Variants in CSAD observed in about 807,000 individuals in gnomAD.
CSAD encodes the protein cysteine sulfinic acid decarboxylase.
CSAD carries 47 observed loss-of-function variants against 61.5 expected under a neutral mutation model. The ratio of observed to expected loss-of-function variants is 0.76; its 90% CI spans 0.60 to 0.97. The LOEUF is 0.97. Ranked by LOEUF, CSAD falls within the 50% of genes least tolerant of loss-of-function variation. The probability of loss-of-function intolerance (pLI) is 0.00; values close to 1 mark genes in which losing one functional copy is unlikely to be tolerated. For missense variants in CSAD, 611 were observed against 643.6 expected, an observed-to-expected ratio of 0.95 and a Z score of 0.55; for synonymous variants, 245 against 252.7, an observed-to-expected ratio of 0.97 and a Z score of 0.29.
At position 53,161,270 on chromosome 12, in the gene CSAD, C is replaced by G. The variant is rs370306325; in HGVS notation, c.819+3G>C. 2 of 1,613,908 alleles carry G rather than the reference C, an allele frequency of 1.2e-6. No homozygotes were observed. Among genetic ancestry groups the G allele is most frequent in the African/African-American group, 2.7e-5 (2 of 74,916 alleles). On this transcript the variant is annotated splice_donor_region_variant and intron_variant, in intron 11 of 16. Transcript: ENST00000444623. ...CGCACCCCCAAGCCGAAGTCCCACTCACATCCACATGCAGCCATAGCCCAT... is the reference window on the plus strand; with the variant it reads ...CGCACCCCCAAGCCGAAGTCCCACTGACATCCACATGCAGCCATAGCCCAT...
chr12:53,180,746 G>A lies in CSAD; in HGVS notation c.-105C>T, dbSNP rs1223973250. ...TGTAAACTTGCCTCGGTCCCGGTGG[G>A]GGCAGCCGCGGCGGTGGGGTTGGCA... On this transcript the variant is annotated 5_prime_UTR_variant, in exon 1 of 17. Transcript: ENST00000444623. 2.4e-6 allele frequency: 3 copies of A among 1,266,296 alleles called. No homozygotes were observed. Among genetic ancestry groups the A allele is most frequent in the Non-Finnish European group, 3.1e-6 (3 of 978,044 alleles). 78.4% of individuals were successfully genotyped at this position (1,266,296 alleles called of 1,614,324 possible). A position where few individuals can be genotyped will look rare whatever the true frequency, so the allele number is the denominator to read the frequency against.
In CSAD at chr12:53,171,356, C is replaced by T; in HGVS notation, c.537G>A (p.Leu179=). The T allele has an allele frequency of 2.5e-6, 4 of 1,614,046 alleles. No individual in the cohort carries two copies. In the South Asian group the frequency reaches 4.4e-5, roughly 18 times the overall value. ...PDCKQRGLRT[L]PPLALFTSKE... Reference sequence around the variant, plus strand: ...TCGATGTGAATAGGGCCAGGGGCGGCAGTGTGCGGAGGCCCCTCTGCTTGC... The same window carrying T: ...TCGATGTGAATAGGGCCAGGGGCGGTAGTGTGCGGAGGCCCCTCTGCTTGC... The change falls in exon 8 of 17, where the codon CTG becomes CTA. Residue 179 remains leucine (L), a synonymous_variant. Coordinates refer to ENST00000444623, the MANE Select transcript of CSAD (RefSeq NM_001244705.2).
At chr12:53,170,790 G>T (rs1565666633) in intron 8 of CSAD, 5 of 430,992 alleles carry the variant, frequency 1.2e-5, no homozygotes, top group Non-Finnish European at 2.1e-5. Flanking sequence ...GTGTCATCTC[G>T]GCTCACTGCA....
intron 8 of CSAD, chr12:53,170,712 G>A: frequency 1.8e-6 from 1 of 569,044 alleles, no homozygotes; most frequent in Non-Finnish European, 3.1e-6. Context: ...CCAAGATTCT[G>A]CATTTGTTTG....
At chr12:53,172,304 T>A in intron 6 of CSAD, 42 bp downstream of exon 6, 1 of 1,573,310 alleles carries the variant, frequency 6.4e-7, no homozygotes, top group Non-Finnish European at 8.7e-7. Flanking sequence ...CTAGCAAACC[T>A]AAATCCTTTG....
At position 53,172,215 on chromosome 12, in the gene CSAD, ACT is replaced by A. The variant is rs1482272515; in HGVS notation, c.344+129_344+130del. On this transcript the variant is annotated intron_variant, in intron 6 of 16. Coordinates refer to ENST00000444623, the MANE Select transcript of CSAD (RefSeq NM_001244705.2). ...GTGGGTCCAAAGGATATGAGGAAAA[ACT>A]CTCTGCCGACAGGGATTCCCAGAAG... is the stretch of plus-strand genomic sequence containing the variant. 46 of 932,128 alleles carry A rather than the reference ACT, an allele frequency of 4.9e-5. No individual in the cohort carries two copies. In the South Asian group the frequency reaches 5.4e-4, roughly 11 times the overall value. 57.7% of individuals were successfully genotyped at this position (932,128 alleles called of 1,614,324 possible). A position where few individuals can be genotyped will look rare whatever the true frequency, so the allele number is the denominator to read the frequency against.
At chr12:53,177,331 C>T (rs926548761) in intron 2 of CSAD, among the ~76,000 whole-genome samples, 4 of 152,232 alleles carry the variant, frequency 2.6e-5, no homozygotes, top group South Asian at 4.1e-4. Context: ...TAAAGCATGA[C>T]TTTTGTCTCA....
chr12:53,165,456 C>G (rs374320241), intron 10 of CSAD, among the ~76,000 whole-genome samples: 12 of 151,576 alleles, frequency 7.9e-5, no homozygotes, highest in African/African-American at 2.7e-4. Context: ...GTTGGGAGAT[C>G]GAGACCATCC....
upstream of CSAD, chr12:53,181,144 C>G: frequency 1.0e-6 from 1 of 983,282 alleles, no homozygotes; most frequent in Non-Finnish European, 1.2e-6. Context: ...GGTGCAGAGG[C>G]TGGCTGGCCG....
intron 2 of CSAD, among the ~76,000 whole-genome samples, chr12:53,174,272 C>T (rs1940931698): frequency 6.8e-6 from 1 of 146,986 alleles, no homozygotes; most frequent in Non-Finnish European, 1.5e-5. Flanking sequence ...CGCGCCACTG[C>T]ACCCCAGCCT....
intron 4 of CSAD, 104 bp downstream of exon 4, chr12:53,173,241 A>C: frequency 9.3e-7 from 1 of 1,069,630 alleles, no homozygotes. Context: ...AGGAAGGAAG[A>C]AAGAAGGAAG....
In CSAD at chr12:53,162,813, G is replaced by A. The variant is rs141280099; in HGVS notation, c.703-1424C>T. ...GTGGTGGCTTATGCCTGGAATCCCAGCACTTTGGGAGGCCGAGGCGGGCGG... is the reference window on the plus strand; with the variant it reads ...GTGGTGGCTTATGCCTGGAATCCCAACACTTTGGGAGGCCGAGGCGGGCGG... On this transcript the variant is annotated intron_variant, in intron 10 of 16. Coordinates refer to ENST00000444623, the MANE Select transcript of CSAD (RefSeq NM_001244705.2). 2.6e-3 allele frequency among the ~76,000 whole-genome samples: 389 copies of A among 152,142 alleles called. 5 individuals carry two copies. The highest frequency in any genetic ancestry group is 9.0e-3 in the African/African-American group (374 of 41,482).
chr12:53,162,862 G>C (rs978817181), intron 10 of CSAD, among the ~76,000 whole-genome samples: 2 of 151,896 alleles, frequency 1.3e-5, no homozygotes, highest in African/African-American at 4.8e-5. Flanking sequence ...CAGAGTTCGA[G>C]ACTAGCCTGA....
rs144788415 is a variant in CSAD at position 53,172,428 on chromosome 12, G to C, written c.262C>G (p.Arg88Gly). The change falls in exon 6 of 17, where the codon CGG (arginine) becomes GGG (glycine). Residue 88 changes from arginine to glycine, a missense_variant. Arg to Gly is a moderately radical substitution (Grantham distance 125, BLOSUM62 -2). Coordinates refer to ENST00000444623, the MANE Select transcript of CSAD (RefSeq NM_001244705.2). ...IRYSVKTGHP[R>G]FFNQLFSGLD... ...CCAGAGAAGAGCTGGTTGAAGAACC[G>C]AGGGTGACCTGGAGAAGGAGAGTAA... The C allele has an allele frequency of 6.2e-7, 1 of 1,614,080 alleles. No individual in the cohort carries two copies. Among genetic ancestry groups the C allele is most frequent in the East Asian group, 2.2e-5 (1 of 44,864 alleles).
rs756742850 is a variant in CSAD, at chr12:53,171,978, CAT to C, written c.353_354del (p.Tyr118Ter). On this transcript the variant is annotated frameshift_variant, in exon 7 of 17. Transcript: ENST00000444623. LOFTEE classifies it high-confidence loss of function. ...ATGAGCACAAACACGGGGGCGATTT[CAT>C]ATGTGTACCTGCCAGGAGAGAGAAC... Reference protein sequence around the residue: ...TESLNTSQYTYEIAPVFVLME... With the variant: ...TESLNTSQYTXEIAPVFVLME... 2 of 1,613,376 alleles carry C rather than the reference CAT, an allele frequency of 1.2e-6. No homozygotes were observed. Among genetic ancestry groups the C allele is most frequent in the Non-Finnish European group, 1.7e-6 (2 of 1,179,410 alleles).
chr12:53,167,394 G>A (rs1397894452), intron 10 of CSAD, among the ~76,000 whole-genome samples: 2 of 152,184 alleles, frequency 1.3e-5, no homozygotes, highest in Admixed American at 6.5e-5. Context: ...TCCCTTCTGA[G>A]GGAAGCCTTC....
At chr12:53,170,029 A>C (rs756687811) in intron 10 of CSAD, 43 bp downstream of exon 10, 29 of 1,542,534 alleles carry the variant, frequency 1.9e-5, no homozygotes, top group Non-Finnish European at 2.6e-5. Context: ...ACCCTCCAAG[A>C]CAGTTGGAGG....
intron 2 of CSAD, among the ~76,000 whole-genome samples, chr12:53,178,123 G>A (rs894949561): frequency 6.6e-6 from 1 of 152,142 alleles, no homozygotes; most frequent in Non-Finnish European, 1.5e-5. Context: ...ATGGTTCTGA[G>A]TAAACATGGG....
intron 2 of CSAD, among the ~76,000 whole-genome samples, chr12:53,175,915 G>A (rs927586881): frequency 1.3e-5 from 2 of 152,200 alleles, no homozygotes; most frequent in Non-Finnish European, 2.9e-5. Context: ...GAAAGAAGGT[G>A]AACTAATTGT....
Sources: gnomAD v4.1 joint callset for allele counts (sites outside exome capture counted in the v4.1 genomes callset) on GRCh38, gnomAD v4.1.1 for gene constraint, MANE v1.5 for transcripts, NCBI Gene and HGNC (gene_info 2026-07-23, HGNC 2026-07-21) for gene names.